Variants in NOTCH1 observed in about 807,000 individuals in gnomAD.
The protein encoded by NOTCH1 is notch receptor 1.
A neutral mutation model predicts 254.8 loss-of-function variants in NOTCH1; 37 were observed. The observed-to-expected ratio is 0.15, with a 90% CI of 0.11 to 0.19. The LOEUF is 0.19. Ranked by LOEUF, NOTCH1 falls within the 10% of genes least tolerant of loss-of-function variation. The pLI, the probability that NOTCH1 is intolerant of heterozygous loss-of-function variation, is 1.00. For synonymous variants in NOTCH1, 1,731 were observed against 1,618.1 expected, an observed-to-expected ratio of 1.07 and a Z score of -1.68; for missense variants, 2,972 against 3,708.6, an observed-to-expected ratio of 0.80 and a Z score of 5.16.
At chr9:136,520,526 G>A (rs1469267049) in intron 4 of NOTCH1, among the ~76,000 whole-genome samples, 2 of 152,116 alleles carry the variant, frequency 1.3e-5, no homozygotes, top group Non-Finnish European at 2.9e-5. Context: ...TTGCGCCCAG[G>A]AGTTCAAGAC....
chr9:136,508,197 G>C (rs2133346877), intron 20 of NOTCH1, 35 bp downstream of exon 20: 1 of 1,609,150 alleles, frequency 6.2e-7, no homozygotes. Flanking sequence ...ACCTTGATGG[G>C]CTGGGACCCG....
Position 136,523,738 on chromosome 9 carries a change from G to A in NOTCH1, c.382C>T (p.Arg128Cys), listed in dbSNP as rs371868900. The A allele has an allele frequency of 7.5e-6, 12 of 1,609,298 alleles. No homozygotes were observed. In the African/African-American group the frequency reaches 1.3e-4, roughly 18 times the overall value. ...DLLTLTEYKC[R>C]CPPGWSGKSC... ...TCACCTGACCAGCCGGGCGGGCAGC[G>A]GCACTTGTACTCCGTCAGCGTGAGC... Residue 128 changes from arginine (R) to cysteine (C), a missense_variant, in exon 3 of 34, where the codon CGC becomes TGC. Physicochemically the swap from Arg to Cys is radical, Grantham distance 180. Coordinates refer to ENST00000651671, the MANE Select transcript of NOTCH1 (RefSeq NM_017617.5).
In NOTCH1 at chr9:136,508,503, T is replaced by C. The variant is rs115322174; in HGVS notation, c.3172-118A>G. 961 of 1,454,684 alleles carry C rather than the reference T, an allele frequency of 6.6e-4. 4 individuals are homozygous for C. The African/African-American group carries it at 0.012, about 18-fold the overall frequency. 90.1% of individuals were successfully genotyped at this position (1,454,684 alleles called of 1,614,324 possible). A position where few individuals can be genotyped will look rare whatever the true frequency, so the allele number is the denominator to read the frequency against. On this transcript the variant is annotated intron_variant, in intron 19 of 33. Transcript: ENST00000651671. ...CAGGCTGCAACCCATTCTACAGAAG[T>C]GGAAACTGCCGCCCCTGGACTCCCC...
Position 136,522,853 on chromosome 9 carries a change from G to T in NOTCH1, c.739C>A (p.Pro247Thr). ...CCCGGCCAGCGGGCAGCACTACCTG[G>T]CAGGCAGGCACACTCGTGGGTGACG... ...GDVTHECACL[P>T]GFTGQNCEEN... The change falls in exon 4 of 34, where the codon CCA becomes ACA. Residue 247 changes from proline to threonine, a missense_variant. Coordinates refer to ENST00000651671, the MANE Select transcript of NOTCH1 (RefSeq NM_017617.5). The T allele has an allele frequency of 6.7e-7, 1 of 1,494,862 alleles. No homozygotes were observed. The highest frequency in any genetic ancestry group is 8.9e-7 in the Non-Finnish European group (1 of 1,121,712). The allele number at this position is 1,494,862 out of a possible 1,614,324, so 92.6% of individuals were successfully genotyped here.
In NOTCH1 at chr9:136,513,444, G is replaced by A; in HGVS notation, c.2301C>T (p.Thr767=). 6.2e-7 allele frequency: 1 copy of A among 1,613,112 alleles called. No homozygotes were observed. The highest frequency in any genetic ancestry group is 8.5e-7 in the Non-Finnish European group (1 of 1,180,018). Residue 767 remains threonine (T), a synonymous_variant, in exon 14 of 34, where the codon ACC becomes ACT. Coordinates refer to ENST00000651671, the MANE Select transcript of NOTCH1 (RefSeq NM_017617.5). This position sits in a 1 kb window ranked among gnomAD's most constrained non-coding sequence, Gnocchi z 4.7. ...CGTAGCCACTGGTCATGTCTTTGCA[G>A]GTGCCGCCGTTGACACAAGGGTTGG... The part of the protein sequence containing the change: ...CESNPCVNGG[T]CKDMTSGYVC...
intron 32 of NOTCH1, 31 bp downstream of exon 32, chr9:136,499,081 C>T (rs778281713): frequency 2.8e-5 from 45 of 1,612,622 alleles, no homozygotes; most frequent in East Asian, 1.6e-4. Flanking sequence ...TCCCGCCCCA[C>T]GACAGAGCAG....
At chr9:136,520,124 C>G (rs1429753761) in intron 4 of NOTCH1, among the ~76,000 whole-genome samples, 3 of 152,186 alleles carry the variant, frequency 2.0e-5, no homozygotes, top group Non-Finnish European at 2.9e-5. Context: ...CCCCCTCCCC[C>G]GAGGTATGGC....
At position 136,496,983 on chromosome 9, in the gene NOTCH1, C is replaced by T. The variant is rs1842926814; in HGVS notation, c.6756G>A (p.Lys2252=). 6.2e-7 allele frequency: 1 copy of T among 1,610,472 alleles called. No homozygotes were observed. The highest frequency in any genetic ancestry group is 1.3e-5 in the African/African-American group (1 of 74,888). ...LGIGHLNVAA[K]PEMAALGGGG... is the part of the protein sequence containing the mutation. ...CCCCACCCAGCGCCGCCATCTCGGG[C>T]TTGGCCGCCACGTTCAGGTGCCCGA... Residue 2252 remains lysine, a synonymous_variant, in exon 34 of 34, where the codon AAG becomes AAA. Transcript: ENST00000651671.
At chr9:136,536,044 C>T (rs964233009) in intron 2 of NOTCH1, among the ~76,000 whole-genome samples, 4 of 151,356 alleles carry the variant, frequency 2.6e-5, no homozygotes, top group East Asian at 3.9e-4. Context: ...GGTAGGGGGG[C>T]GCACTGAGGA....
intron 15 of NOTCH1, among the ~76,000 whole-genome samples, 178 bp downstream of exon 15, chr9:136,512,843 C>G (rs1249110433): frequency 1.3e-5 from 2 of 152,134 alleles, no homozygotes. Flanking sequence ...AGGCGCAGAA[C>G]CTTCTGGAAG....
At chr9:136,502,800 G>C (rs1843019969) in intron 27 of NOTCH1, 1 of 564,134 alleles carries the variant, frequency 1.8e-6, no homozygotes, top group Non-Finnish European at 3.2e-6. Context: ...GATTTAGAGG[G>C]ATTTTCAAGA....
In NOTCH1 at chr9:136,514,544, A is replaced by G; in HGVS notation, c.2173T>C (p.Cys725Arg). Reference protein sequence around the residue: ...SEVNECNSNPCVHGACRDSLN... With the variant: ...SEVNECNSNPRVHGACRDSLN... ...CTGTCCCGGCAGGCCCCGTGGACGC[A>G]GGGGTTGCTGTTGCACTCATTGACC... The change falls in exon 13 of 34, where the codon TGC becomes CGC. Residue 725 changes from cysteine to arginine, a missense_variant. Cys to Arg is a radical substitution (Grantham distance 180). Transcript: ENST00000651671. 1 of 1,601,380 alleles carries G rather than the reference A, an allele frequency of 6.2e-7. No homozygotes were observed. Among genetic ancestry groups the G allele is most frequent in the Admixed American group, 1.7e-5 (1 of 57,942 alleles).
At chr9:136,518,367 C>A in intron 6 of NOTCH1, 75 bp from the exon 7 acceptor site, 1 of 1,534,376 alleles carries the variant, frequency 6.5e-7, no homozygotes, top group Non-Finnish European at 8.8e-7. Flanking sequence ...TGGGGTCCAA[C>A]CCCACTGACA....
At chr9:136,521,166 C>T (rs565910607) in intron 4 of NOTCH1, among the ~76,000 whole-genome samples, 1 of 152,296 alleles carries the variant, frequency 6.6e-6, no homozygotes, top group Non-Finnish European at 1.5e-5. Context: ...CAGTCTGAAG[C>T]TGGGGTCTGG....
Position 136,523,915 on chromosome 9 carries a change from T to C in NOTCH1, c.205A>G (p.Lys69Glu), listed in dbSNP as rs2133379644. The C allele has an allele frequency of 6.3e-7, 1 of 1,599,402 alleles. No homozygotes were observed. Among genetic ancestry groups the C allele is most frequent in the South Asian group, 1.1e-5 (1 of 88,956 alleles). Reference protein sequence around the residue: ...DPNPCLSTPCKNAGTCHVVDR... With the variant: ...DPNPCLSTPCENAGTCHVVDR... ...ACCACGTGGCATGTCCCGGCGTTCT[T>C]GCAGGGGGTGCTGAGGCACGGGTTG... The change falls in exon 3 of 34, where the codon AAG becomes GAG. Residue 69 changes from lysine (K) to glutamate (E), a missense_variant. Around this residue, in one of 8 missense-constraint regions of NOTCH1, gnomAD observed 374 missense variants for 496.3 expected, o/e 0.75. Coordinates refer to ENST00000651671, the MANE Select transcript of NOTCH1 (RefSeq NM_017617.5).
chr9:136,523,547 A>G (rs1422680525), intron 3 of NOTCH1, among the ~76,000 whole-genome samples, 170 bp downstream of exon 3: 1 of 152,150 alleles, frequency 6.6e-6, no homozygotes, highest in Non-Finnish European at 1.5e-5. Flanking sequence ...AGCAGCTGAA[A>G]ACGAGGCGAT....
rs1843209859 is a variant in NOTCH1 at position 136,513,132 on chromosome 9, G to A, written c.2356C>T (p.Pro786Ser). The change falls in exon 15 of 34, where the codon CCC becomes TCC. Residue 786 changes from proline to serine, a missense_variant and splice_region_variant. Pro to Ser is a moderately conservative substitution (Grantham distance 74). Around this residue, in one of 8 missense-constraint regions of NOTCH1, gnomAD observed 1,343 missense variants for 1,557.0 expected, o/e 0.86. Coordinates refer to ENST00000651671, the MANE Select transcript of NOTCH1 (RefSeq NM_017617.5). The surrounding 1 kb of genome is among the most constrained non-coding windows in gnomAD (Gnocchi z 4.7). ...TCGTTGATGTTGGTCTGGCAGTTGG[G>A]ACCTGGAGGGAAGGGGACAGCACTC... ...VCTCREGFSG[P>S]NCQTNINECA... The A allele has an allele frequency of 1.2e-6, 2 of 1,611,672 alleles. No individual in the cohort carries two copies. The highest frequency in any genetic ancestry group is 1.7e-5 in the Admixed American group (1 of 59,982).
intron 2 of NOTCH1, among the ~76,000 whole-genome samples, chr9:136,538,465 A>G (rs1215816814): frequency 1.3e-5 from 2 of 152,220 alleles, no homozygotes; most frequent in East Asian, 1.9e-4. Context: ...AGCAAATCAG[A>G]GCCAGCCCTG....
At position 136,522,832 on chromosome 9, in the gene NOTCH1, G is replaced by C; in HGVS notation, c.742+18C>G. The C allele has an allele frequency of 1.4e-6, 2 of 1,466,254 alleles. No individual in the cohort carries two copies. Among genetic ancestry groups the C allele is most frequent in the Non-Finnish European group, 1.8e-6 (2 of 1,109,048 alleles). 90.8% of individuals were successfully genotyped at this position (1,466,254 alleles called of 1,614,324 possible). A position where few individuals can be genotyped will look rare whatever the true frequency, so the allele number is the denominator to read the frequency against. On this transcript the variant is annotated intron_variant, in intron 4 of 33. Coordinates refer to ENST00000651671, the MANE Select transcript of NOTCH1 (RefSeq NM_017617.5). ...GCCGGGGAGGGGCTCGTGCACCCCG[G>C]CCAGCGGGCAGCACTACCTGGCAGG...
Sources: gnomAD v4.1 joint callset for allele counts (sites outside exome capture counted in the v4.1 genomes callset) on GRCh38, gnomAD v4.1.1 for gene constraint, gnomAD v4.1.1 regional missense constraint, Gnocchi (gnomAD v3.1) non-coding constraint, MANE v1.5 for transcripts, NCBI Gene and HGNC (gene_info 2026-07-23, HGNC 2026-07-21) for gene names.